The following AVPI1 variants were observed in gnomAD, a reference collection of about 807,000 sequenced individuals.
The protein encoded by AVPI1 is arginine vasopressin induced 1.
A neutral mutation model predicts 11.9 loss-of-function variants in AVPI1; 9 were observed. The ratio of observed to expected loss-of-function variants is 0.76; its 90% CI spans 0.46 to 1.32. AVPI1 has a LOEUF of 1.32. Ranked by LOEUF, AVPI1 falls within the 40% of genes most tolerant of loss-of-function variation. The probability of loss-of-function intolerance (pLI) is 0.00; values close to 1 mark genes in which losing one functional copy is unlikely to be tolerated. For missense variants in AVPI1, 207 were observed against 195.8 expected (o/e 1.06, Z -0.34); for synonymous variants, 68 against 78.1 (o/e 0.87, Z 0.68).
At chr10:97,679,472 G>A (rs926818245) in intron 2 of AVPI1, 147 bp downstream of exon 2, 2 of 991,502 alleles carry the variant, frequency 2.0e-6, no homozygotes, top group South Asian at 1.8e-5. Context: ...CAACCAAGTG[G>A]TGACACTGTG....
chr10:97,683,550 C>T (rs1313963765), intron 1 of AVPI1, among the ~76,000 whole-genome samples: 5 of 152,238 alleles, frequency 3.3e-5, no homozygotes, highest in African/African-American at 4.8e-5. Context: ...CCTATTCCCA[C>T]CTAATTCATG....
chr10:97,683,515 T>C (rs778798416), intron 1 of AVPI1, among the ~76,000 whole-genome samples: 4 of 152,200 alleles, frequency 2.6e-5, no homozygotes, highest in African/African-American at 9.7e-5. Context: ...TAAAGAACAC[T>C]TCACATTTCT....
At chr10:97,680,129 T>C (rs1421809368) in intron 1 of AVPI1, among the ~76,000 whole-genome samples, 1 of 152,220 alleles carries the variant, frequency 6.6e-6, no homozygotes, top group Non-Finnish European at 1.5e-5. Context: ...AATTATTGTT[T>C]ATCCTCATTT....
intron 2 of AVPI1, among the ~76,000 whole-genome samples, chr10:97,678,999 G>GTTT (rs1313750617): frequency 7.0e-6 from 1 of 142,274 alleles, no homozygotes; most frequent in East Asian, 2.1e-4. Context: ...GTGTGTGTGT[G>GTTT]TTTTCAGAGA....
Position 97,678,156 on chromosome 10 carries a change from C to T in AVPI1, c.288-131G>A, listed in dbSNP as rs868250897. On this transcript the variant is annotated intron_variant, in intron 2 of 2. Transcript: ENST00000370626. ...AATGAGAGCGGGGCTCTGCTCTGGT[C>T]TTTCCCCCTCTGAGAACTGTCTGAC... The T allele has an allele frequency of 3.5e-5, 35 of 989,116 alleles. No homozygotes were observed. In the Middle Eastern group the frequency reaches 1.3e-3, roughly 37 times the overall value. 61.3% of individuals were successfully genotyped at this position (989,116 alleles called of 1,614,324 possible). A position where few individuals can be genotyped will look rare whatever the true frequency, so the allele number is the denominator to read the frequency against.
chr10:97,678,932 T>TTTTCAGAGACAG (rs2041684344), intron 2 of AVPI1, among the ~76,000 whole-genome samples: 3 of 22,158 alleles, frequency 1.4e-4, no homozygotes, highest in African/African-American at 3.1e-4. Flanking sequence ...TGTGTGTGTG[T>TTTTCAGAGACAG]GTGTGTGTGT....
chr10:97,680,124 T>C (rs912181125), intron 1 of AVPI1, among the ~76,000 whole-genome samples: 7 of 152,220 alleles, frequency 4.6e-5, no homozygotes, highest in Non-Finnish European at 1.0e-4. Context: ...GTAAGAATTA[T>C]TGTTTATCCT....
chr10:97,685,574 G>A (rs994012684), intron 1 of AVPI1, among the ~76,000 whole-genome samples: 1 of 152,130 alleles, frequency 6.6e-6, no homozygotes. Context: ...AGGGGCCTAG[G>A]GGCTCTTAGA....
chr10:97,677,920 C>A lies in AVPI1; in HGVS notation c.393G>T (p.Arg131=), dbSNP rs1351616920. ...HSRKKSARIR[R]NWRKSGPTSY... is the part of the protein sequence containing the mutation. ...TTGTGGGGCCTGACTTCCTCCAGTTCCGGCGGATCCTGGCACTTTTCTTCC... is the reference window on the plus strand; with the variant it reads ...TTGTGGGGCCTGACTTCCTCCAGTTACGGCGGATCCTGGCACTTTTCTTCC... Residue 131 remains arginine (R), a synonymous_variant, in exon 3 of 3, where the codon CGG becomes CGT. Transcript: ENST00000370626. 8.7e-6 allele frequency: 14 copies of A among 1,614,046 alleles called. No homozygotes were observed. Among genetic ancestry groups the A allele is most frequent in the Non-Finnish European group, 1.1e-5 (13 of 1,180,042 alleles).
At chr10:97,681,802 C>T (rs1157671175) in intron 1 of AVPI1, among the ~76,000 whole-genome samples, 2 of 147,064 alleles carry the variant, frequency 1.4e-5, no homozygotes, top group East Asian at 4.0e-4. Context: ...GGCGTGAACC[C>T]GGGAAGCGGA....
At chr10:97,684,131 A>C (rs2041717724) in intron 1 of AVPI1, among the ~76,000 whole-genome samples, 1 of 152,160 alleles carries the variant, frequency 6.6e-6, no homozygotes, top group African/African-American at 2.4e-5. Flanking sequence ...TCTGGTAGAA[A>C]ACAGAACTCA....
intron 1 of AVPI1, among the ~76,000 whole-genome samples, chr10:97,683,369 G>A (rs556601540): frequency 1.8e-4 from 27 of 152,290 alleles, no homozygotes; most frequent in Non-Finnish European, 3.1e-4. Flanking sequence ...ATGTTGGTCA[G>A]GCTGGTCTTG....
At chr10:97,681,847 C>T (rs368049982) in intron 1 of AVPI1, among the ~76,000 whole-genome samples, 3 of 143,974 alleles carry the variant, frequency 2.1e-5, no homozygotes, top group East Asian at 4.1e-4. Flanking sequence ...CACTGCAGTC[C>T]GCAGTCCGGC....
chr10:97,678,514 G>C (rs911208123), intron 2 of AVPI1, among the ~76,000 whole-genome samples: 20 of 152,264 alleles, frequency 1.3e-4, no homozygotes, highest in Admixed American at 3.9e-4. Flanking sequence ...ATCCCTTTGG[G>C]TTCACTCTTC....
In AVPI1 at chr10:97,678,964, T is replaced by TCGCC. The variant is rs1589942650; in HGVS notation, c.287+654_287+655insGGCG. 8.7e-4 allele frequency among the ~76,000 whole-genome samples: 57 copies of TCGCC among 65,306 alleles called. 4 individuals are homozygous for TCGCC. The highest frequency in any genetic ancestry group is 0.01 in the Middle Eastern group (1 of 98). The allele number at this position is 65,306 out of a possible 152,430, so 42.8% of individuals were successfully genotyped here. On this transcript the variant is annotated intron_variant, in intron 2 of 2. Coordinates refer to ENST00000370626, the MANE Select transcript of AVPI1 (RefSeq NM_021732.3). ...GTGTGTGTGTGTGTGTGTGTGTGTG[T>TCGCC]GTGTGTGTGTGTGTGTGTGTGTGTG...
In AVPI1 at chr10:97,679,432, T is replaced by G. The variant is rs551339725; in HGVS notation, c.287+187A>C. ...TGCTGGGATTACAGGGATGAGCCAC[T>G]GCACCCACCAACAGCAATCTCTTAA... On this transcript the variant is annotated intron_variant, in intron 2 of 2. Transcript: ENST00000370626. Among the ~76,000 whole-genome samples, 24 of 152,256 alleles carry G rather than the reference T, an allele frequency of 1.6e-4. No homozygotes were observed. In the South Asian group the frequency reaches 5.0e-3, roughly 32 times the overall value.
rs1370227434 is a variant in AVPI1 at position 97,687,074 on chromosome 10, G to C, written c.-319C>G. On this transcript the variant is annotated 5_prime_UTR_variant, in exon 1 of 3. Transcript: ENST00000370626. The stretch of plus-strand genomic sequence containing the variant: ...ACCCCGGCTCTGACTGTCGCCCTCC[G>C]GCTCCCACCGCAGCGCCGAGCTGGG... 6.6e-6 allele frequency: 1 copy of C among 152,352 alleles called. No individual in the cohort carries two copies. The highest frequency in any genetic ancestry group is 1.9e-4 in the East Asian group (1 of 5,198). 9.4% of individuals were successfully genotyped at this position (152,352 alleles called of 1,614,324 possible).
intron 1 of AVPI1, among the ~76,000 whole-genome samples, chr10:97,681,377 G>T (rs973256459): frequency 6.6e-6 from 1 of 151,996 alleles, no homozygotes; most frequent in Non-Finnish European, 1.5e-5. Context: ...GAGGTCAGGA[G>T]TTCAAGACCA....
At chr10:97,686,673 G>T (rs975137366) in intron 1 of AVPI1, 93 bp downstream of exon 1, 1 of 152,180 alleles carries the variant, frequency 6.6e-6, no homozygotes, top group African/African-American at 2.4e-5. Flanking sequence ...GATTGTGGAA[G>T]GAGCAGGGAG....
Sources: gnomAD v4.1 joint callset for allele counts (sites outside exome capture counted in the v4.1 genomes callset) on GRCh38, gnomAD v4.1.1 for gene constraint, MANE v1.5 for transcripts, NCBI Gene and HGNC (gene_info 2026-07-23, HGNC 2026-07-21) for gene names.